MTCL1: variants seen among roughly 807,000 people sequenced by gnomAD.
The protein encoded by MTCL1 is microtubule crosslinking factor 1.
Under a neutral mutation model 141.4 loss-of-function variants are expected in MTCL1, and 79 were observed. That is an observed-to-expected ratio of 0.56 (90% CI 0.47 to 0.67). MTCL1 has a LOEUF of 0.67. Among genes scored for constraint, MTCL1 ranks in the 30% least tolerant of loss-of-function variants. The pLI, the probability that MTCL1 is intolerant of heterozygous loss-of-function variation, is 0.00. For missense variants in MTCL1, 2,177 were observed against 2,113.9 expected (o/e 1.03, Z -0.59); for synonymous variants, 914 against 875.8 (o/e 1.04, Z -0.77).
intron 4 of MTCL1, among the ~76,000 whole-genome samples, chr18:8,726,538 T>G: frequency 1.3e-5 from 1 of 75,410 alleles, no homozygotes; most frequent in South Asian, 4.0e-4. Context: ...CGAGTGCGCA[T>G]GCGCGCGCGC....
chr18:8,706,131 C>T, exon 1 of MTCL1: 4 of 1,216,380 alleles, frequency 3.3e-6, no homozygotes, highest in Non-Finnish European at 4.1e-6. Flanking sequence ...CTGCCGCTGC[C>T]AAGGGCCGCA....
At chr18:8,734,275 G>A (rs1054015921) in intron 4 of MTCL1, among the ~76,000 whole-genome samples, 1 of 151,994 alleles carries the variant, frequency 6.6e-6, no homozygotes, top group Non-Finnish European at 1.5e-5. Context: ...GCTTTGGAGG[G>A]AAGAGTCATC....
At chr18:8,801,437 C>T (rs544820494) in intron 10 of MTCL1, among the ~76,000 whole-genome samples, 78 of 152,154 alleles carry the variant, frequency 5.1e-4, no homozygotes, top group South Asian at 1.7e-3. Context: ...CCCTATAAGG[C>T]GTGCTACTCT....
intron 4 of MTCL1, among the ~76,000 whole-genome samples, chr18:8,770,284 T>C (rs1253490920): frequency 2.0e-5 from 3 of 152,236 alleles, no homozygotes. Flanking sequence ...CCCCAGACTC[T>C]TGACAGGATT....
At chr18:8,714,416 A>G (rs1439735203), upstream of MTCL1, among the ~76,000 whole-genome samples, 1 of 152,216 alleles carries the variant, frequency 6.6e-6, no homozygotes, top group African/African-American at 2.4e-5. Flanking sequence ...ACATGCCGTT[A>G]TGGTGCATTG....
At chr18:8,772,052 C>T (rs1314199408) in intron 4 of MTCL1, among the ~76,000 whole-genome samples, 1 of 152,250 alleles carries the variant, frequency 6.6e-6, no homozygotes, top group Non-Finnish European at 1.5e-5. Flanking sequence ...TAGCACGCTA[C>T]ACTGGACGAG....
rs145486940 is a variant in MTCL1, at chr18:8,756,481, G to A, written c.358-21352G>A. On this transcript the variant is annotated intron_variant, in intron 4 of 16. Coordinates refer to ENST00000359865, the Ensembl canonical transcript of MTCL1. ...TATATATGTGTATATGTGTGTATAT[G>A]TGTGTATATATGTATATATGTGTGT... Among the ~76,000 whole-genome samples, 860 of 146,042 alleles carry A rather than the reference G, an allele frequency of 5.9e-3. 11 individuals are homozygous for A. The highest frequency in any genetic ancestry group is 7.4e-3 in the Non-Finnish European group (492 of 66,820).
intron 14 of MTCL1, among the ~76,000 whole-genome samples, chr18:8,821,751 T>C (rs939084185): frequency 6.6e-6 from 1 of 152,354 alleles, no homozygotes. Context: ...TGTTGTGTTA[T>C]GTATACAAAG....
At chr18:8,716,828 C>G (rs2096131380), upstream of MTCL1, among the ~76,000 whole-genome samples, 1 of 152,024 alleles carries the variant, frequency 6.6e-6, no homozygotes, top group African/African-American at 2.4e-5. Context: ...GCATCTGAAA[C>G]TATCAATTAT....
intron 2 of MTCL1, chr18:8,717,993 T>G: frequency 9.8e-7 from 1 of 1,018,460 alleles, no homozygotes; most frequent in Non-Finnish European, 1.2e-6. Context: ...AATTAGCACT[T>G]GTTATCCTAC....
intron 7 of MTCL1, chr18:8,789,271 C>T (rs1380119236): frequency 3.8e-6 from 1 of 260,246 alleles, no homozygotes; most frequent in African/African-American, 2.3e-5. Flanking sequence ...TATTTGCACT[C>T]ATGTGTTGGC....
intron 5 of MTCL1, chr18:8,782,234 G>C (rs2096535062): frequency 1.3e-5 from 2 of 152,208 alleles, no homozygotes; most frequent in South Asian, 4.1e-4. Flanking sequence ...GACAGGCCTG[G>C]AGAGCAGTTT....
At chr18:8,825,222 T>A in exon 15 of MTCL1, 2 of 1,596,556 alleles carry the variant, frequency 1.3e-6, no homozygotes, top group East Asian at 2.2e-5. Context: ...GCTCAGCAGG[T>A]GGCCTTGCAC....
Position 8,786,649 on chromosome 18 carries a change from A to T in MTCL1, c.1887+558A>T, listed in dbSNP as rs914517126. On this transcript the variant is annotated intron_variant, in intron 7 of 16. Transcript: ENST00000359865. Reference sequence around the variant, plus strand: ...ACACAAGGCTTCAGCCACCACAGAGACCATGGTTGGAAGTGTTGTCAGCAG... The same window carrying T: ...ACACAAGGCTTCAGCCACCACAGAGTCCATGGTTGGAAGTGTTGTCAGCAG... The T allele has an allele frequency of 5.8e-5, 17 of 291,720 alleles. 1 individual carries two copies. In the South Asian group the frequency reaches 5.9e-4, roughly 10 times the overall value. 18.1% of individuals were successfully genotyped at this position (291,720 alleles called of 1,614,324 possible). A position where few individuals can be genotyped will look rare whatever the true frequency, so the allele number is the denominator to read the frequency against.
exon 17 of MTCL1, chr18:8,831,885 G>T: frequency 6.8e-7 from 1 of 1,466,514 alleles, no homozygotes. Context: ...CTGCCCAACA[G>T]GAGAGATCTA....
At chr18:8,757,703 A>G (rs1247929643) in intron 4 of MTCL1, among the ~76,000 whole-genome samples, 4 of 152,090 alleles carry the variant, frequency 2.6e-5, no homozygotes, top group African/African-American at 7.2e-5. Flanking sequence ...TGCATTTTTG[A>G]GATTTTTTTT....
At chr18:8,755,606 G>A (rs935708504) in intron 4 of MTCL1, among the ~76,000 whole-genome samples, 2 of 152,128 alleles carry the variant, frequency 1.3e-5, no homozygotes, top group East Asian at 1.9e-4. Flanking sequence ...GACATCTCTC[G>A]GGTGGCCCCA....
intron 7 of MTCL1, among the ~76,000 whole-genome samples, chr18:8,790,128 G>A (rs28481525): frequency 0.012 from 1,842 of 152,286 alleles, 41 homozygotes; most frequent in African/African-American, 0.042. Context: ...CAGTGAACTG[G>A]CTCAAGGACC....
chr18:8,706,171 G>T, exon 1 of MTCL1: 3 of 1,222,416 alleles, frequency 2.5e-6, no homozygotes, highest in East Asian at 6.5e-5. Context: ...GGCGCCACCC[G>T]CCCGCACCGT....
Sources: allele counts gnomAD v4.1 joint callset (sites outside exome capture counted in the v4.1 genomes callset), GRCh38; gene constraint gnomAD v4.1.1; transcripts MANE v1.5; gene names NCBI Gene and HGNC (gene_info 2026-07-23, HGNC 2026-07-21).